VEGFC: variants seen among roughly 807,000 people sequenced by gnomAD.
VEGFC encodes the protein vascular endothelial growth factor C, also known as FLT4 ligand DHM.
In VEGFC, 12 loss-of-function variants were observed where a neutral mutation model predicts 46.1. The ratio of observed to expected loss-of-function variants is 0.26; its 90% confidence interval spans 0.17 to 0.42. VEGFC has a LOEUF of 0.42. Ranked by LOEUF, VEGFC falls within the 10% of genes least tolerant of loss-of-function variation. VEGFC has a pLI of 1.00. For missense variants in VEGFC, 488 were observed against 529.4 expected (o/e 0.92, Z 0.77); for synonymous variants, 232 against 195.5 (o/e 1.19, Z -1.56).
At chr4:176,704,529 CT>C (rs112020698) in intron 4 of VEGFC, among the ~76,000 whole-genome samples, 45 of 152,280 alleles carry the variant, frequency 3.0e-4, no homozygotes, top group African/African-American at 8.2e-4. Context: ...CATATGCTTT[CT>C]TGTATTTCAA....
chr4:176,792,556 C>G lies in VEGFC; in HGVS notation c.-245G>C. On this transcript the variant is annotated 5_prime_UTR_variant, in exon 1 of 7. Transcript: ENST00000618562. The surrounding 1 kb of genome is among the most constrained non-coding windows in gnomAD (Gnocchi z 6.3). The stretch of plus-strand genomic sequence containing the variant: ...TGTCAGGTAAAAGCCTCACAGGAAA[C>G]CGGACATCCGAGCTCCCCGCATTCG... The G allele has an allele frequency of 5.4e-6, 2 of 370,230 alleles. No homozygotes were observed. The highest frequency in any genetic ancestry group is 4.2e-5 in the East Asian group (1 of 23,848). The allele number at this position is 370,230 out of a possible 1,614,324, so 22.9% of individuals were successfully genotyped here.
chr4:176,763,169 T>C (rs1735560674), intron 1 of VEGFC, among the ~76,000 whole-genome samples: 1 of 152,228 alleles, frequency 6.6e-6, no homozygotes. Flanking sequence ...TGTCCACAGG[T>C]GCGGAGCACA....
chr4:176,758,794 G>A (rs545237943), intron 1 of VEGFC, among the ~76,000 whole-genome samples: 4 of 152,218 alleles, frequency 2.6e-5, no homozygotes, highest in Non-Finnish European at 4.4e-5. Context: ...TGCTGTCAAT[G>A]CTTTTTCTCC....
At chr4:176,725,603 T>TG (rs1382404032) in intron 3 of VEGFC, among the ~76,000 whole-genome samples, 1 of 152,198 alleles carries the variant, frequency 6.6e-6, no homozygotes, top group Non-Finnish European at 1.5e-5. Flanking sequence ...CAAAGTACCT[T>TG]GGTTTACTAT....
chr4:176,779,392 TTGGAAGAAGTTTTTTTC>T (rs1735869130), intron 1 of VEGFC, among the ~76,000 whole-genome samples: 1 of 152,172 alleles, frequency 6.6e-6, no homozygotes, highest in Admixed American at 6.5e-5. Context: ...TAAGAAGTTA[TTGGAAGAAGTTTTTTTC>T]TGGAAGAAGT....
At chr4:176,693,878 A>G (rs1315053063) in intron 4 of VEGFC, among the ~76,000 whole-genome samples, 1 of 151,368 alleles carries the variant, frequency 6.6e-6, no homozygotes, top group Non-Finnish European at 1.5e-5. Flanking sequence ...AGCCAAAATA[A>G]GCTTCATATA....
rs1260320189 is a variant in VEGFC, at chr4:176,792,359, G to A, written c.-48C>T. ...GACCGGTCCGCTGGCGGGGGCAGGG[G>A]TGGGGGCGCGGGCGCCCCTGCGAGG... is the stretch of plus-strand genomic sequence containing the variant. On this transcript the variant is annotated 5_prime_UTR_variant, in exon 1 of 7. Coordinates refer to ENST00000618562, the MANE Select transcript of VEGFC (RefSeq NM_005429.5). The surrounding 1 kb of genome is among the most constrained non-coding windows in gnomAD (Gnocchi z 6.3). 8.7e-6 allele frequency: 12 copies of A among 1,372,674 alleles called. No individual in the cohort carries two copies. The highest frequency in any genetic ancestry group is 1.5e-5 in the African/African-American group (1 of 64,728). The allele number at this position is 1,372,674 out of a possible 1,614,324, so 85.0% of individuals were successfully genotyped here.
chr4:176,711,032 A>G (rs1359827075), intron 4 of VEGFC, among the ~76,000 whole-genome samples: 1 of 151,484 alleles, frequency 6.6e-6, no homozygotes, highest in Admixed American at 6.6e-5. Context: ...ACACATATAC[A>G]CACACACACA....
intron 4 of VEGFC, among the ~76,000 whole-genome samples, chr4:176,692,273 AGTCCCAG>A (rs1734205032): frequency 7.4e-6 from 1 of 135,246 alleles, no homozygotes; most frequent in Admixed American, 7.1e-5. Flanking sequence ...GGGCGCCTGT[AGTCCCAG>A]CTACTTGGGA....
intron 1 of VEGFC, among the ~76,000 whole-genome samples, chr4:176,754,141 T>C (rs1260914049): frequency 6.6e-6 from 1 of 152,054 alleles, no homozygotes; most frequent in Non-Finnish European, 1.5e-5. Flanking sequence ...TTCGAATTCT[T>C]TCAATGGTCA....
chr4:176,700,857 AAAAAC>A (rs1241387037), intron 4 of VEGFC, among the ~76,000 whole-genome samples: 1 of 152,062 alleles, frequency 6.6e-6, no homozygotes, highest in African/African-American at 2.4e-5. Flanking sequence ...ACAGAAAAAC[AAAAAC>A]AAAACAATGA....
chr4:176,741,064 G>A (rs1447518617), intron 1 of VEGFC, among the ~76,000 whole-genome samples: 6 of 151,754 alleles, frequency 4.0e-5, no homozygotes, highest in Admixed American at 1.3e-4. Flanking sequence ...ATTGTTCATT[G>A]TCCAATATCT....
At chr4:176,742,121 T>C (rs1299607611) in intron 1 of VEGFC, among the ~76,000 whole-genome samples, 2 of 152,008 alleles carry the variant, frequency 1.3e-5, no homozygotes, top group Admixed American at 6.6e-5. Flanking sequence ...CAGTGTCTAC[T>C]GTTTCCATCT....
intron 1 of VEGFC, among the ~76,000 whole-genome samples, chr4:176,745,724 A>T (rs1735249288): frequency 6.6e-6 from 1 of 152,098 alleles, no homozygotes; most frequent in Non-Finnish European, 1.5e-5. Context: ...GAGGGGAATG[A>T]TCAGATGGGG....
intron 4 of VEGFC, among the ~76,000 whole-genome samples, chr4:176,705,176 A>G (rs541476895): frequency 7.2e-5 from 11 of 152,330 alleles, no homozygotes; most frequent in Admixed American, 4.6e-4. Flanking sequence ...TAGAGATAGA[A>G]GACCTGACAT....
At chr4:176,704,387 G>A (rs1488380730) in intron 4 of VEGFC, among the ~76,000 whole-genome samples, 1 of 152,048 alleles carries the variant, frequency 6.6e-6, no homozygotes, top group African/African-American at 2.4e-5. Context: ...GCTAACATGT[G>A]TTAAAAACTC....
rs763900640 is a variant in VEGFC at position 176,684,006 on chromosome 4, C to G, written c.1180G>C (p.Ala394Pro). Reference sequence around the variant, plus strand: ...CTATATGAAAATCCTGGCTCACAAGCCTTCTGGCGGTTCGTACATGGCCGT... The same window carrying G: ...CTATATGAAAATCCTGGCTCACAAGGCTTCTGGCGGTTCGTACATGGCCGT... ...YRRPCTNRQK[A>P]CEPGFSYSEE... The change falls in exon 7 of 7, where the codon GCT becomes CCT. Residue 394 changes from alanine (A) to proline (P), a missense_variant. Transcript: ENST00000618562. 6.2e-6 allele frequency: 10 copies of G among 1,614,188 alleles called. No homozygotes were observed. Among genetic ancestry groups the G allele is most frequent in the Non-Finnish European group, 7.6e-6 (9 of 1,180,026 alleles).
At chr4:176,738,463 A>C (rs1250247002) in intron 1 of VEGFC, among the ~76,000 whole-genome samples, 13 of 152,094 alleles carry the variant, frequency 8.5e-5, no homozygotes, top group Admixed American at 8.5e-4. Context: ...AGGACTCCCT[A>C]TTTAATAAAT....
intron 1 of VEGFC, among the ~76,000 whole-genome samples, chr4:176,732,924 TG>T (rs1267965072): frequency 6.6e-6 from 1 of 151,944 alleles, no homozygotes; most frequent in Non-Finnish European, 1.5e-5. Flanking sequence ...GGTAAAGACT[TG>T]TATCTGAAAT....
Sources: gnomAD v4.1 joint callset for allele counts (sites outside exome capture counted in the v4.1 genomes callset) on GRCh38, gnomAD v4.1.1 for gene constraint, Gnocchi (gnomAD v3.1) non-coding constraint, MANE v1.5 for transcripts, NCBI Gene and HGNC (gene_info 2026-07-23, HGNC 2026-07-21) for gene names.